Variants in CADM2 observed in about 807,000 individuals in gnomAD.
The protein encoded by CADM2 is immunoglobulin superfamily member 4D.
In CADM2, 12 loss-of-function variants were observed where a neutral mutation model predicts 49.8. That is an observed-to-expected ratio of 0.24 (90% confidence interval 0.15 to 0.39). The LOEUF is 0.39. Ranked by LOEUF, CADM2 falls within the 10% of genes least tolerant of loss-of-function variation. The pLI, the probability that CADM2 is intolerant of heterozygous loss-of-function variation, is 1.00. For synonymous variants in CADM2, 214 were observed against 175.4 expected (o/e 1.22, Z -1.74); for missense variants, 378 against 492.3 (o/e 0.77, Z 2.20).
intron 1 of CADM2, among the ~76,000 whole-genome samples, chr3:85,373,488 A>G (rs1001011856): frequency 6.6e-6 from 1 of 152,070 alleles, no homozygotes; most frequent in African/African-American, 2.4e-5. Context: ...TTCCAGGAAC[A>G]CAGTGCAAGC....
intron 1 of CADM2, among the ~76,000 whole-genome samples, chr3:85,218,200 A>G (rs1042161705): frequency 6.6e-6 from 1 of 152,190 alleles, no homozygotes; most frequent in Non-Finnish European, 1.5e-5. Flanking sequence ...AGCTTAATGT[A>G]GATGAGAGGT....
intron 1 of CADM2, among the ~76,000 whole-genome samples, chr3:85,564,727 T>C (rs2062204598): frequency 6.6e-6 from 1 of 152,112 alleles, no homozygotes; most frequent in Non-Finnish European, 1.5e-5. Flanking sequence ...TATAATTAAA[T>C]ACTTAAAGAC....
chr3:85,810,364 AG>A (rs2072776247), intron 3 of CADM2, among the ~76,000 whole-genome samples: 7 of 152,102 alleles, frequency 4.6e-5, no homozygotes, highest in Non-Finnish European at 8.8e-5. Flanking sequence ...GAAAGAGTAT[AG>A]CATATCATGC....
intron 1 of CADM2, among the ~76,000 whole-genome samples, chr3:85,100,592 T>G (rs1241359451): frequency 2.6e-5 from 4 of 152,162 alleles, no homozygotes; most frequent in Non-Finnish European, 5.9e-5. Flanking sequence ...ATTATGAAAA[T>G]ATATTTAAAG....
At chr3:85,988,619 TA>T (rs774105168) in intron 8 of CADM2, among the ~76,000 whole-genome samples, 5 of 152,202 alleles carry the variant, frequency 3.3e-5, no homozygotes, top group East Asian at 3.9e-4. Flanking sequence ...TTAACAGAGT[TA>T]AAAAAGAAAG....
intron 1 of CADM2, among the ~76,000 whole-genome samples, chr3:85,321,151 T>A (rs867420150): frequency 0.046 from 2,531 of 54,584 alleles, 270 homozygotes; most frequent in East Asian, 0.13. Flanking sequence ...TTTTTTTTTT[T>A]TTTTTTTTTT....
intron 1 of CADM2, among the ~76,000 whole-genome samples, chr3:85,574,906 A>T (rs1444956116): frequency 6.6e-6 from 1 of 152,106 alleles, no homozygotes; most frequent in Non-Finnish European, 1.5e-5. Flanking sequence ...GACCTAGCTA[A>T]TCCCAGAACC....
intron 1 of CADM2, among the ~76,000 whole-genome samples, chr3:85,454,058 T>G (rs941382318): frequency 1.3e-5 from 2 of 152,124 alleles, no homozygotes; most frequent in African/African-American, 4.8e-5. Flanking sequence ...AATCTTTATT[T>G]TAAAAAATAC....
chr3:85,364,093 GA>G (rs2032563713), intron 1 of CADM2, among the ~76,000 whole-genome samples: 1 of 152,128 alleles, frequency 6.6e-6, no homozygotes, highest in African/African-American at 2.4e-5. Flanking sequence ...GACATCAAAA[GA>G]GAGACTTATT....
intron 1 of CADM2, among the ~76,000 whole-genome samples, chr3:85,462,878 A>T (rs2038311394): frequency 6.6e-6 from 1 of 152,164 alleles, no homozygotes; most frequent in Admixed American, 6.5e-5. Flanking sequence ...CATTACTGAA[A>T]AAAGGTCTCA....
intron 2 of CADM2, among the ~76,000 whole-genome samples, chr3:85,728,216 G>A (rs1324703128): frequency 6.6e-6 from 1 of 152,152 alleles, no homozygotes; most frequent in Non-Finnish European, 1.5e-5. Context: ...ATTTTATAAT[G>A]CAAGCATATT....
intron 1 of CADM2, among the ~76,000 whole-genome samples, chr3:85,671,591 T>C (rs538683100): frequency 2.0e-5 from 3 of 152,216 alleles, no homozygotes; most frequent in East Asian, 3.9e-4. Context: ...AACCCTACAT[T>C]GTTTTTCCCT....
At chr3:85,044,154 C>A (rs1222933203) in intron 1 of CADM2, among the ~76,000 whole-genome samples, 1 of 152,166 alleles carries the variant, frequency 6.6e-6, no homozygotes, top group Non-Finnish European at 1.5e-5. Flanking sequence ...CCTAATACTA[C>A]AAATGATCCT....
intron 1 of CADM2, among the ~76,000 whole-genome samples, chr3:85,445,425 A>G (rs892231342): frequency 3.3e-5 from 5 of 152,248 alleles, no homozygotes; most frequent in African/African-American, 7.2e-5. Context: ...ATCTAAATAC[A>G]TTGTCTGTAA....
intron 1 of CADM2, among the ~76,000 whole-genome samples, chr3:85,394,533 A>T (rs2034674764): frequency 6.6e-6 from 1 of 151,968 alleles, no homozygotes; most frequent in East Asian, 1.9e-4. Flanking sequence ...AAAAGCAATA[A>T]CTCCTCTTAT....
At chr3:85,554,680 T>C (rs551999988) in intron 1 of CADM2, among the ~76,000 whole-genome samples, 8 of 152,220 alleles carry the variant, frequency 5.3e-5, no homozygotes, top group African/African-American at 1.9e-4. Context: ...TATATGTCTT[T>C]AAAGACATCA....
chr3:85,491,946 T>C (rs1420278009), intron 1 of CADM2, among the ~76,000 whole-genome samples: 1 of 65,730 alleles, frequency 1.5e-5, no homozygotes. Flanking sequence ...TGAGACTGTC[T>C]CAAAAAAAAA....
At chr3:84,989,742 T>C (rs890517238) in intron 1 of CADM2, among the ~76,000 whole-genome samples, 6 of 152,046 alleles carry the variant, frequency 3.9e-5, no homozygotes, top group African/African-American at 1.4e-4. Context: ...AATAGAACTA[T>C]CAACCTCAAA....
At chr3:85,364,697 T>G (rs1003082145) in intron 1 of CADM2, among the ~76,000 whole-genome samples, 6 of 152,184 alleles carry the variant, frequency 3.9e-5, no homozygotes, top group African/African-American at 1.4e-4. Context: ...TAATACAATG[T>G]TACAGTGGGT....
Sources: gnomAD v4.1 joint callset for allele counts (sites outside exome capture counted in the v4.1 genomes callset) on GRCh38, gnomAD v4.1.1 for gene constraint, MANE v1.5 for transcripts, NCBI Gene and HGNC (gene_info 2026-07-23, HGNC 2026-07-21) for gene names.